MDGA2: variants seen among roughly 807,000 people sequenced by gnomAD.
MDGA2 encodes MAM domain-containing glycosylphosphatidylinositol anchor protein 2.
A neutral mutation model predicts 117.8 loss-of-function variants in MDGA2; 40 were observed. The observed-to-expected ratio is 0.34, with a 90% confidence interval of 0.26 to 0.44. The LOEUF (loss-of-function observed/expected upper bound fraction) is 0.44. Ranked by LOEUF, MDGA2 falls within the 20% of genes least tolerant of loss-of-function variation. The pLI is 1.00. For missense variants in MDGA2, 1,123 were observed against 1,250.6 expected (o/e 0.90, Z 1.54); for synonymous variants, 452 against 439.0 (o/e 1.03, Z -0.37).
chr14:47,148,411 A>T (rs1007772649), intron 3 of MDGA2, among the ~76,000 whole-genome samples: 2 of 152,194 alleles, frequency 1.3e-5, no homozygotes, highest in African/African-American at 2.4e-5. Context: ...TAACTGCATC[A>T]TGGAGGGTAG....
chr14:47,318,340 T>C (rs1889871102), intron 1 of MDGA2, among the ~76,000 whole-genome samples: 1 of 152,150 alleles, frequency 6.6e-6, no homozygotes. Context: ...ACTTGCTCTG[T>C]TTAATCCTGG....
chr14:47,353,716 G>A (rs962645565), intron 1 of MDGA2, among the ~76,000 whole-genome samples: 3 of 152,126 alleles, frequency 2.0e-5, no homozygotes, highest in African/African-American at 7.2e-5. Flanking sequence ...CTGCATGGCT[G>A]AATTCTGCCA....
intron 1 of MDGA2, among the ~76,000 whole-genome samples, chr14:47,498,700 A>T (rs1017586675): frequency 1.3e-5 from 2 of 152,166 alleles, no homozygotes; most frequent in African/African-American, 4.8e-5. Flanking sequence ...TTTCCACATT[A>T]GCAATGTATA....
intron 1 of MDGA2, among the ~76,000 whole-genome samples, chr14:47,378,469 A>G (rs1295022156): frequency 6.6e-6 from 1 of 152,192 alleles, no homozygotes; most frequent in Non-Finnish European, 1.5e-5. Context: ...AAAACCTTGA[A>G]AAAAGATTAG....
At chr14:46,955,705 T>C (rs1204373358) in intron 9 of MDGA2, among the ~76,000 whole-genome samples, 2 of 147,656 alleles carry the variant, frequency 1.4e-5, no homozygotes, top group Non-Finnish European at 3.0e-5. Context: ...TAGACGTCAT[T>C]GCATTTTAGT....
At chr14:47,630,424 G>A (rs2138221506) in intron 1 of MDGA2, among the ~76,000 whole-genome samples, 1 of 152,196 alleles carries the variant, frequency 6.6e-6, no homozygotes. Flanking sequence ...TTCAAATTTT[G>A]TATGTCAAAG....
intron 10 of MDGA2, among the ~76,000 whole-genome samples, chr14:46,917,534 T>C (rs1361650423): frequency 6.6e-6 from 1 of 152,192 alleles, no homozygotes; most frequent in Non-Finnish European, 1.5e-5. Context: ...GAGGCCGTAT[T>C]GGCTAGAATT....
At chr14:47,525,738 T>TC (rs1894959664) in intron 1 of MDGA2, among the ~76,000 whole-genome samples, 1 of 151,812 alleles carries the variant, frequency 6.6e-6, no homozygotes, top group Non-Finnish European at 1.5e-5. Context: ...GTTTTTTTTT[T>TC]TTCTCTCTCT....
intron 1 of MDGA2, among the ~76,000 whole-genome samples, chr14:47,559,959 T>C (rs753721070): frequency 1.6e-4 from 25 of 152,202 alleles, no homozygotes; most frequent in Non-Finnish European, 3.1e-4. Context: ...GTCTAAGTTC[T>C]TTGAAAAATC....
chr14:47,005,746 T>A (rs1301807430), intron 8 of MDGA2, among the ~76,000 whole-genome samples: 3 of 151,634 alleles, frequency 2.0e-5, no homozygotes, highest in African/African-American at 4.8e-5. Flanking sequence ...TCTCCCTATA[T>A]GTATATTGAT....
intron 2 of MDGA2, among the ~76,000 whole-genome samples, chr14:47,294,980 A>T: frequency 6.6e-6 from 1 of 152,218 alleles, no homozygotes; most frequent in East Asian, 1.9e-4. Context: ...TTCTATTATA[A>T]AATTGAAAAA....
Position 47,242,462 on chromosome 14 carries a change from C to G in MDGA2, c.421-24267G>C, listed in dbSNP as rs1005468789. On this transcript the variant is annotated intron_variant, in intron 2 of 16. Transcript: ENST00000399232. ...GTGGAGGGAGAGGCACGAGCGGGAA[C>G]CGGGGCTGCGTGTGGCGCTTGCGGG... Among the ~76,000 whole-genome samples, 21 of 151,858 alleles carry G rather than the reference C, an allele frequency of 1.4e-4. 1 individual carries two copies. Among genetic ancestry groups the G allele is most frequent in the Middle Eastern group, 3.2e-3 (1 of 316 alleles).
chr14:46,897,836 A>G lies in MDGA2; in HGVS notation c.2239-15615T>C, dbSNP rs571695166. ...GGAACATATAATATGAAAAACATGG[A>G]GATATGACCTTGCTTAGAAATAGTG... On this transcript the variant is annotated intron_variant, in intron 10 of 16. Transcript: ENST00000399232. 3.9e-4 allele frequency among the ~76,000 whole-genome samples: 60 copies of G among 152,076 alleles called. No homozygotes were observed. In the South Asian group the frequency reaches 0.012, roughly 30 times the overall value.
intron 1 of MDGA2, among the ~76,000 whole-genome samples, chr14:47,615,016 C>A (rs6572437): frequency 0.32 from 48,574 of 151,772 alleles, 8,127 homozygotes; most frequent in South Asian, 0.46. Context: ...GCTTAGTAAG[C>A]ACCTATTTGC....
intron 3 of MDGA2, among the ~76,000 whole-genome samples, chr14:47,190,787 C>A (rs1463045430): frequency 6.6e-6 from 1 of 152,078 alleles, no homozygotes; most frequent in Admixed American, 6.6e-5. Context: ...CTACCTAAAT[C>A]AATTTTCATT....
chr14:47,196,699 G>T (rs542284741), intron 3 of MDGA2, among the ~76,000 whole-genome samples: 12 of 152,158 alleles, frequency 7.9e-5, no homozygotes, highest in Non-Finnish European at 1.3e-4. Flanking sequence ...AAAGGAATAT[G>T]TGTAAGTTTG....
chr14:46,937,422 A>C (rs1196348537), intron 9 of MDGA2, among the ~76,000 whole-genome samples: 1 of 152,104 alleles, frequency 6.6e-6, no homozygotes, highest in East Asian at 1.9e-4. Context: ...TCAATTACTA[A>C]TCAAAGTACC....
At chr14:47,283,307 A>G (rs1888563962) in intron 2 of MDGA2, among the ~76,000 whole-genome samples, 1 of 152,228 alleles carries the variant, frequency 6.6e-6, no homozygotes, top group African/African-American at 2.4e-5. Flanking sequence ...GTAAATTAAA[A>G]TGAGATTTGG....
chr14:46,861,557 A>G (rs932182419), intron 14 of MDGA2, among the ~76,000 whole-genome samples: 4 of 151,986 alleles, frequency 2.6e-5, no homozygotes, highest in African/African-American at 9.7e-5. Context: ...GTTTGAGAAT[A>G]GGCTAAACAA....
Sources: gnomAD v4.1 joint callset for allele counts (sites outside exome capture counted in the v4.1 genomes callset) on GRCh38, gnomAD v4.1.1 for gene constraint, MANE v1.5 for transcripts, NCBI Gene and HGNC (gene_info 2026-07-23, HGNC 2026-07-21) for gene names.